The following SH3D21 variants were observed in gnomAD, a reference collection of about 807,000 sequenced individuals.
SH3D21 encodes the protein SH3 domain-containing protein 21.
SH3D21 carries 83 observed loss-of-function variants against 82.1 expected under a neutral mutation model. The ratio of observed to expected loss-of-function variants is 1.01; its 90% CI spans 0.85 to 1.21. The LOEUF (loss-of-function observed/expected upper bound fraction) is 1.21, where lower values mean the gene tolerates loss of function less well. SH3D21 is among the 50% of genes most tolerant of loss of function. SH3D21 has a pLI of 0.00. For missense variants in SH3D21, 980 were observed against 962.1 expected (o/e 1.02, Z -0.25); for synonymous variants, 383 against 387.8 (o/e 0.99, Z 0.15).
At chr1:36,321,433 A>G (rs1003709818), downstream of SH3D21, 111 of 1,211,718 alleles carry the variant, frequency 9.2e-5, 1 homozygote, top group Non-Finnish European at 1.1e-4. This position sits in a 1 kb window ranked among gnomAD's most constrained non-coding sequence, Gnocchi z 6.1. Context: ...CGCGCACTGG[A>G]GAAATGGCGG....
rs950198514 is a variant in SH3D21, at chr1:36,319,267, C to G, written c.871C>G (p.Arg291Gly). Residue 291 changes from arginine (R) to glycine (G), a missense_variant, in exon 12 of 16, where the codon CGG becomes GGG. Physicochemically the swap from Arg to Gly is moderately radical, Grantham distance 125 (BLOSUM62 -2). Transcript: ENST00000453908. ...GATGAAGATATGTTCCAGGACATCT[C>G]GGACACCCAGCAGGGACAGTCAGAA... ...TTGPSKAKTS[R>G]TPSRDSQKLT... is the part of the protein sequence containing the mutation. 2 of 1,551,482 alleles carry G rather than the reference C, an allele frequency of 1.3e-6. No individual in the cohort carries two copies. Among genetic ancestry groups the G allele is most frequent in the Admixed American group, 2.0e-5 (1 of 50,980 alleles).
intron 8 of SH3D21, 30 bp from the exon 9 acceptor site, chr1:36,308,359 C>T (rs372324960): frequency 3.2e-6 from 5 of 1,547,372 alleles, no homozygotes; most frequent in East Asian, 2.4e-5. Context: ...GGACCTGGCT[C>T]ACCTCCCCAC....
Position 36,307,632 on chromosome 1 carries a change from G to A in SH3D21, c.436+25G>A. 6 of 1,550,324 alleles carry A rather than the reference G, an allele frequency of 3.9e-6. No homozygotes were observed. The highest frequency in any genetic ancestry group is 1.2e-5 in the South Asian group (1 of 83,916). On this transcript the variant is annotated intron_variant, in intron 5 of 15. Transcript: ENST00000453908. The surrounding 1 kb of genome is among the most constrained non-coding windows in gnomAD (Gnocchi z 5.4). ...AGTGAGACCTCGACTCTGTGACCCTGTGACTCGCAATCTCCAATGACCCTC... is the reference window on the plus strand; with the variant it reads ...AGTGAGACCTCGACTCTGTGACCCTATGACTCGCAATCTCCAATGACCCTC...
chr1:36,306,373 T>TCGGC lies in SH3D21; in HGVS notation c.-45_-42dup. ...GTCGCACCCTGCGCGGGCCCAGTAC[T>TCGGC]CGGCCGTCAGAGGGAGCTGCCAGGC... On this transcript the variant is annotated 5_prime_UTR_variant, in exon 1 of 16. Transcript: ENST00000453908. This position sits in a 1 kb window ranked among gnomAD's most constrained non-coding sequence, Gnocchi z 4.5. 7.7e-7 allele frequency: 1 copy of TCGGC among 1,305,222 alleles called. No homozygotes were observed. The highest frequency in any genetic ancestry group is 1.2e-5 in the South Asian group (1 of 81,022). The allele number at this position is 1,305,222 out of a possible 1,614,324, so 80.9% of individuals were successfully genotyped here.
In SH3D21 at chr1:36,321,119, A is replaced by T. The variant is rs1203883408; in HGVS notation, c.2263A>T (p.Thr755Ser). Residue 755 changes from threonine to serine, a missense_variant, in exon 16 of 16, where the codon ACC becomes TCC. Thr to Ser is a moderately conservative substitution (Grantham distance 58, BLOSUM62 1). Transcript: ENST00000453908. This position sits in a 1 kb window ranked among gnomAD's most constrained non-coding sequence, Gnocchi z 6.1. ...TPRVIHTQTQ[T>S]Y ...GCGCGTCATCCACACGCAGACGCAG[A>T]CCTACTGAGGGTGGGCCTGGGAAGG... 2 of 1,611,252 alleles carry T rather than the reference A, an allele frequency of 1.2e-6. No individual in the cohort carries two copies. Among genetic ancestry groups the T allele is most frequent in the Non-Finnish European group, 1.7e-6 (2 of 1,179,076 alleles).
intron 10 of SH3D21, among the ~76,000 whole-genome samples, chr1:36,317,910 C>G (rs1425070124): frequency 6.6e-6 from 1 of 152,154 alleles, no homozygotes; most frequent in Non-Finnish European, 1.5e-5. Flanking sequence ...CTCTAACACA[C>G]TATGTATTTT....
chr1:36,308,611 G>T (rs577051375), intron 9 of SH3D21, 136 bp downstream of exon 9: 159 of 665,484 alleles, frequency 2.4e-4, no homozygotes, highest in South Asian at 1.6e-3. Context: ...GCTCCTTTTG[G>T]ATTCTAATAC....
intron 10 of SH3D21, among the ~76,000 whole-genome samples, chr1:36,311,535 C>T (rs1285323319): frequency 1.3e-5 from 2 of 151,994 alleles, no homozygotes; most frequent in Admixed American, 6.5e-5. Flanking sequence ...CCATCGTGCC[C>T]GGCCTAAAAC....
chr1:36,321,277 G>A lies in SH3D21; in HGVS notation c.*150G>A. On this transcript the variant is annotated 3_prime_UTR_variant, in exon 16 of 16. Coordinates refer to ENST00000453908, the MANE Select transcript of SH3D21 (RefSeq NM_001162530.2). This position sits in a 1 kb window ranked among gnomAD's most constrained non-coding sequence, Gnocchi z 6.1. ...GGGGCGGGGCCTGCGCGGGGGCAGG[G>A]CCTGGGCCTCCGCATTCCTGACGGT... 6.9e-7 allele frequency: 1 copy of A among 1,449,158 alleles called. No individual in the cohort carries two copies. The allele number at this position is 1,449,158 out of a possible 1,614,324, so 89.8% of individuals were successfully genotyped here. A position where few individuals can be genotyped will look rare whatever the true frequency, so the allele number is the denominator to read the frequency against.
At chr1:36,313,327 C>CAATAAATAAATAAATAAATAAATAAATA (rs60993866) in intron 10 of SH3D21, among the ~76,000 whole-genome samples, 10 of 142,598 alleles carry the variant, frequency 7.0e-5, no homozygotes, top group African/African-American at 1.0e-4. Flanking sequence ...CTCTGTCTCA[C>CAATAAATAAATAAATAAATAAATAAATA]AATAAATAAA....
chr1:36,320,095 G>T lies in SH3D21; in HGVS notation c.1432G>T (p.Glu478Ter), dbSNP rs1220271664. The T allele has an allele frequency of 1.2e-6, 2 of 1,613,888 alleles. No individual in the cohort carries two copies. Among genetic ancestry groups the T allele is most frequent in the Non-Finnish European group, 1.7e-6 (2 of 1,180,010 alleles). The change falls in exon 14 of 16, where the codon GAG (glutamate) becomes TAG (stop). Residue 478 changes from glutamate (E) to a stop codon, truncating the protein, a stop_gained. Transcript: ENST00000453908. LOFTEE classifies it high-confidence loss of function. Reference sequence around the variant, plus strand: ...TCCAAAGATGGCCCCTCTGGGGGATGAGGCCCCCACTCTAGAAAAGGTCTT... The same window carrying T: ...TCCAAAGATGGCCCCTCTGGGGGATTAGGCCCCCACTCTAGAAAAGGTCTT... Reference protein sequence around the residue: ...PNPKMAPLGDEAPTLEKVLTP... With the variant: ...PNPKMAPLGD
At chr1:36,323,117 G>A (rs1646496461), downstream of SH3D21, 1 of 1,476,294 alleles carries the variant, frequency 6.8e-7, no homozygotes, top group South Asian at 1.2e-5. Context: ...AGCCCACCCC[G>A]ACCCCTTCCG....
At chr1:36,323,162 G>A (rs1646497311), downstream of SH3D21, 1 of 1,088,250 alleles carries the variant, frequency 9.2e-7, no homozygotes, top group Admixed American at 3.0e-5. Context: ...GCGGGCCCAG[G>A]TTCCACCCTG....
At chr1:36,326,782 A>G (rs1479777450), downstream of SH3D21, among the ~76,000 whole-genome samples, 2 of 152,180 alleles carry the variant, frequency 1.3e-5, no homozygotes, top group African/African-American at 4.8e-5. Context: ...CCTGCACTGG[A>G]CTTGAATGTG....
In SH3D21 at chr1:36,308,440, G is replaced by A. The variant is rs1438175638; in HGVS notation, c.691G>A (p.Val231Ile). ...AGGAGAGTGTCAAGGACGAAGAGGA[G>A]TTTTTCCAGACAACTTTGTACTCCC... ...WEGECQGRRG[V>I]FPDNFVLPPP... Residue 231 changes from valine to isoleucine, a missense_variant, in exon 9 of 16, where the codon GTT becomes ATT. Coordinates refer to ENST00000453908, the MANE Select transcript of SH3D21 (RefSeq NM_001162530.2). 4.1e-5 allele frequency: 63 copies of A among 1,551,738 alleles called. No homozygotes were observed. Among genetic ancestry groups the A allele is most frequent in the Non-Finnish European group, 5.1e-5 (58 of 1,147,020 alleles).
chr1:36,321,347 C>T lies in SH3D21; in HGVS notation c.*220C>T, dbSNP rs1330646524. On this transcript the variant is annotated 3_prime_UTR_variant, in exon 16 of 16. Transcript: ENST00000453908. This position sits in a 1 kb window ranked among gnomAD's most constrained non-coding sequence, Gnocchi z 6.1. Reference sequence around the variant, plus strand: ...CCAACATGTGGCTCCCATTACCGTTCCCAAGGCCTGCGCGCGGCTATTTTT... The same window carrying T: ...CCAACATGTGGCTCCCATTACCGTTTCCAAGGCCTGCGCGCGGCTATTTTT... 6.4e-6 allele frequency: 9 copies of T among 1,413,736 alleles called. No individual in the cohort carries two copies. In the African/African-American group the frequency reaches 1.2e-4, roughly 18 times the overall value. 87.6% of individuals were successfully genotyped at this position (1,413,736 alleles called of 1,614,324 possible).
downstream of SH3D21, chr1:36,324,945 T>G (rs1646527080): frequency 6.6e-6 from 1 of 152,208 alleles, no homozygotes. Context: ...TTTAACCAAC[T>G]TTGCATCAAA....
At chr1:36,317,454 G>A (rs1258038540) in intron 10 of SH3D21, among the ~76,000 whole-genome samples, 8 of 152,202 alleles carry the variant, frequency 5.3e-5, no homozygotes, top group Non-Finnish European at 1.2e-4. Flanking sequence ...TTTTTCTATG[G>A]ATCTGAATGT....
In SH3D21 at chr1:36,307,899, C is replaced by T; in HGVS notation, c.493-19C>T. Reference sequence around the variant, plus strand: ...GGTTGGAGGCTCATCTAGTTCCTCCCTGCCCCTTCCCCCACTAGCTGAGCA... The same window carrying T: ...GGTTGGAGGCTCATCTAGTTCCTCCTTGCCCCTTCCCCCACTAGCTGAGCA... On this transcript the variant is annotated intron_variant, in intron 6 of 15. Transcript: ENST00000453908. The surrounding 1 kb of genome is among the most constrained non-coding windows in gnomAD (Gnocchi z 5.4). 1 of 1,551,704 alleles carries T rather than the reference C, an allele frequency of 6.4e-7. No individual in the cohort carries two copies. Among genetic ancestry groups the T allele is most frequent in the Non-Finnish European group, 8.7e-7 (1 of 1,146,984 alleles).
Sources: gnomAD v4.1 joint callset for allele counts (sites outside exome capture counted in the v4.1 genomes callset) on GRCh38, gnomAD v4.1.1 for gene constraint, Gnocchi (gnomAD v3.1) non-coding constraint, MANE v1.5 for transcripts, NCBI Gene and HGNC (gene_info 2026-07-23, HGNC 2026-07-21) for gene names.